PLCB1: variants seen among roughly 807,000 people sequenced by gnomAD.
PLCB1 encodes the protein phospholipase C beta 1, also known as 1-phosphatidylinositol 4,5-bisphosphate phosphodiesterase beta-1.
In PLCB1, 46 loss-of-function variants were observed where a neutral mutation model predicts 161.8. The ratio of observed to expected loss-of-function variants is 0.28; its 90% CI spans 0.22 to 0.36. PLCB1 has a LOEUF of 0.36. Ranked by LOEUF, PLCB1 falls within the 10% of genes least tolerant of loss-of-function variation. The pLI, the probability that PLCB1 is intolerant of heterozygous loss-of-function variation, is 1.00. For synonymous variants in PLCB1, 517 were observed against 503.7 expected (o/e 1.03, Z -0.35); for missense variants, 1,016 against 1,472.5 (o/e 0.69, Z 5.07).
At chr20:8,678,416 C>G (rs1315958525) in intron 9 of PLCB1, among the ~76,000 whole-genome samples, 1 of 152,130 alleles carries the variant, frequency 6.6e-6, no homozygotes, top group Non-Finnish European at 1.5e-5. Context: ...TTTTGAGATA[C>G]AGAAGTAAAT....
At chr20:8,303,632 A>G (rs1984003671) in intron 2 of PLCB1, among the ~76,000 whole-genome samples, 1 of 152,218 alleles carries the variant, frequency 6.6e-6, no homozygotes. Flanking sequence ...ACGCTTTGAA[A>G]TGGCTTTTTA....
chr20:8,353,765 G>A (rs1986265271), intron 2 of PLCB1, among the ~76,000 whole-genome samples: 1 of 152,090 alleles, frequency 6.6e-6, no homozygotes, highest in African/African-American at 2.4e-5. Flanking sequence ...AAGATGACAG[G>A]TGGACTAAAT....
In PLCB1 at chr20:8,805,333, A is replaced by G. The variant is rs1016058365; in HGVS notation, c.3423+15072A>G. ...AGATGTTTGCTCATTTTATGTATACATAAGTCTTTAGATAAAGAGCTGTAG... is the reference window on the plus strand; with the variant it reads ...AGATGTTTGCTCATTTTATGTATACGTAAGTCTTTAGATAAAGAGCTGTAG... On this transcript the variant is annotated intron_variant, in intron 31 of 31. Transcript: ENST00000338037. Among the ~76,000 whole-genome samples, 6 of 152,246 alleles carry G rather than the reference A, an allele frequency of 3.9e-5. No individual in the cohort carries two copies. The East Asian group carries it at 1.2e-3, about 29-fold the overall frequency.
intron 2 of PLCB1, among the ~76,000 whole-genome samples, chr20:8,239,579 C>G (rs1343455571): frequency 6.6e-6 from 1 of 150,748 alleles, no homozygotes; most frequent in African/African-American, 2.4e-5. Flanking sequence ...TTTGTGTTTC[C>G]TCTTTCTGGT....
At position 8,774,562 on chromosome 20, in the gene PLCB1, A is replaced by G. The variant is rs1319477360; in HGVS notation, c.2954A>G (p.His985Arg). 1.2e-6 allele frequency: 2 copies of G among 1,612,910 alleles called. No individual in the cohort carries two copies. Among genetic ancestry groups the G allele is most frequent in the Non-Finnish European group, 1.7e-6 (2 of 1,179,232 alleles). ...KKKSEPSSPD[H>R]GSSTIEQDLA... ...AGATCGGAACCCAGCAGCCCTGATC[A>G]TGGTTCATCAACGATTGAGCAAGAC... Residue 985 changes from histidine (H) to arginine (R), a missense_variant, in exon 27 of 32, where the codon CAT becomes CGT. Around this residue, in one of 10 missense-constraint regions of PLCB1, gnomAD observed 398 missense variants for 445.4 expected, o/e 0.89. Transcript: ENST00000338037.
rs931860553 is a variant in PLCB1 at position 8,264,519 on chromosome 20, G to A, written c.178-106863G>A. Among the ~76,000 whole-genome samples the A allele has an allele frequency of 5.3e-5, 8 of 152,134 alleles. No homozygotes were observed. The East Asian group carries it at 1.5e-3, about 29-fold the overall frequency. On this transcript the variant is annotated intron_variant, in intron 2 of 31. Coordinates refer to ENST00000338037, the MANE Select transcript of PLCB1 (RefSeq NM_015192.4). ...ACTATACATAATTTTATGTACTAGA[G>A]TTTTATACAACTAGCAGCAATATAG...
intron 2 of PLCB1, among the ~76,000 whole-genome samples, chr20:8,178,469 C>T (rs942439917): frequency 2.6e-5 from 4 of 152,216 alleles, no homozygotes; most frequent in African/African-American, 9.6e-5. Context: ...TGTTCATGTC[C>T]TCTGCCTACT....
intron 2 of PLCB1, among the ~76,000 whole-genome samples, chr20:8,189,118 G>A (rs1385668922): frequency 1.3e-5 from 2 of 151,646 alleles, no homozygotes; most frequent in African/African-American, 4.8e-5. Flanking sequence ...CCGCATATAA[G>A]TGAATCATGC....
rs202109404 is a variant in PLCB1, at chr20:8,708,690, G to A, written c.1188G>A (p.Ala396=). 7.1e-5 allele frequency: 114 copies of A among 1,612,276 alleles called. No individual in the cohort carries two copies. The highest frequency in any genetic ancestry group is 8.9e-5 in the Non-Finnish European group (105 of 1,178,706). The change falls in exon 12 of 32, where the codon GCG becomes GCA. Residue 396 remains alanine, a synonymous_variant. Coordinates refer to ENST00000338037, the MANE Select transcript of PLCB1 (RefSeq NM_015192.4). ...ISFKEVIEAI[A]ECAFKTSPFP... Reference sequence around the variant, plus strand: ...TTTAGGAAGTGATAGAAGCAATTGCGGAGTGTGCATTTAAGACTTCACCTT... The same window carrying A: ...TTTAGGAAGTGATAGAAGCAATTGCAGAGTGTGCATTTAAGACTTCACCTT...
chr20:8,635,399 G>A (rs1308321607), intron 4 of PLCB1, among the ~76,000 whole-genome samples: 5 of 152,276 alleles, frequency 3.3e-5, no homozygotes, highest in Admixed American at 3.3e-4. Context: ...AACACCATGT[G>A]CTGCAATCTT....
chr20:8,761,979 G>A lies in PLCB1; in HGVS notation c.2710+1519G>A, dbSNP rs966941474. 6.6e-5 allele frequency among the ~76,000 whole-genome samples: 10 copies of A among 151,652 alleles called. No individual in the cohort carries two copies. The South Asian group carries it at 8.4e-4, about 13-fold the overall frequency. ...ATCCCAGTACCTGGGGAGGCCAAGG[G>A]GGGGGCGGATCACCTGAGGTCGGGA... On this transcript the variant is annotated intron_variant, in intron 25 of 31. Coordinates refer to ENST00000338037, the MANE Select transcript of PLCB1 (RefSeq NM_015192.4).
At chr20:8,267,796 AC>A (rs1416443866) in intron 2 of PLCB1, among the ~76,000 whole-genome samples, 1 of 152,004 alleles carries the variant, frequency 6.6e-6, no homozygotes, top group African/African-American at 2.4e-5. Context: ...ACTTGGTTAC[AC>A]CCTATGTAAA....
intron 27 of PLCB1, among the ~76,000 whole-genome samples, chr20:8,780,449 T>G (rs1426635328): frequency 6.6e-6 from 1 of 152,216 alleles, no homozygotes; most frequent in Non-Finnish European, 1.5e-5. Context: ...AGAGCCTTGC[T>G]TTGCTTCACT....
At chr20:8,635,093 T>G (rs183189475) in intron 4 of PLCB1, among the ~76,000 whole-genome samples, 1 of 152,312 alleles carries the variant, frequency 6.6e-6, no homozygotes, top group East Asian at 1.9e-4. Flanking sequence ...ACCTTGAACA[T>G]ATTTTCAATT....
chr20:8,468,783 T>A (rs1256564513), intron 3 of PLCB1, among the ~76,000 whole-genome samples: 1 of 152,304 alleles, frequency 6.6e-6, no homozygotes, highest in East Asian at 1.9e-4. Flanking sequence ...ATTATCTAAT[T>A]TAATTATTCA....
At chr20:8,686,342 C>T (rs1395682497) in intron 10 of PLCB1, among the ~76,000 whole-genome samples, 1 of 152,228 alleles carries the variant, frequency 6.6e-6, no homozygotes, top group African/African-American at 2.4e-5. Flanking sequence ...ATATTTAGGA[C>T]CACAAAACTC....
chr20:8,655,097 A>G (rs901976178), intron 7 of PLCB1, among the ~76,000 whole-genome samples: 2 of 152,088 alleles, frequency 1.3e-5, no homozygotes, highest in African/African-American at 4.8e-5. Flanking sequence ...AATGAAAATA[A>G]TGTTGTGTTT....
At chr20:8,187,702 C>T (rs2051920356) in intron 2 of PLCB1, among the ~76,000 whole-genome samples, 1 of 152,066 alleles carries the variant, frequency 6.6e-6, no homozygotes, top group Non-Finnish European at 1.5e-5. Flanking sequence ...CTGCTTCTCA[C>T]ACGGATATTA....
chr20:8,481,724 G>A (rs944377006), intron 3 of PLCB1, among the ~76,000 whole-genome samples: 3 of 152,094 alleles, frequency 2.0e-5, no homozygotes, highest in Non-Finnish European at 4.4e-5. Context: ...GTCCTTCTCT[G>A]TCCTTCACCT....
Sources: allele counts gnomAD v4.1 joint callset (sites outside exome capture counted in the v4.1 genomes callset), GRCh38; gene constraint gnomAD v4.1.1; regional missense constraint gnomAD v4.1.1; transcripts MANE v1.5; gene names NCBI Gene and HGNC (gene_info 2026-07-23, HGNC 2026-07-21).